INO80D: variants seen among roughly 807,000 people sequenced by gnomAD.
INO80D encodes INO80 complex subunit D.
Under a neutral mutation model 87.6 loss-of-function variants are expected in INO80D, and 21 were observed. The observed-to-expected ratio is 0.24, with a 90% CI of 0.17 to 0.35. The LOEUF (loss-of-function observed/expected upper bound fraction) is 0.35. Among genes scored for constraint, INO80D ranks in the 10% least tolerant of loss-of-function variants. The pLI is 1.00. For synonymous variants in INO80D, 440 were observed against 491.0 expected (o/e 0.90, Z 1.37); for missense variants, 982 against 1,280.7 (o/e 0.77, Z 3.56).
intron 1 of INO80D, among the ~76,000 whole-genome samples, chr2:206,081,756 C>CAA (rs756168296): frequency 3.2e-4 from 24 of 75,260 alleles, no homozygotes; most frequent in Admixed American, 8.6e-4. Flanking sequence ...GACCCTGTCT[C>CAA]AAAAAAAAAA....
chr2:206,051,770 A>T (rs928786318), intron 4 of INO80D, among the ~76,000 whole-genome samples: 1 of 152,108 alleles, frequency 6.6e-6, no homozygotes, highest in Non-Finnish European at 1.5e-5. Context: ...CAAAGTGGTA[A>T]GATTACTGGC....
At chr2:206,040,267 C>CA (rs1559447676) in intron 5 of INO80D, among the ~76,000 whole-genome samples, 1 of 125,216 alleles carries the variant, frequency 8.0e-6, no homozygotes, top group East Asian at 2.3e-4. Flanking sequence ...GCCTGGGTGA[C>CA]AGAGTGCGAC....
rs952875248 is a variant in INO80D at position 206,004,227 on chromosome 2, A to G, written c.*141T>C. 5.4e-6 allele frequency: 4 copies of G among 746,414 alleles called. No individual in the cohort carries two copies. The highest frequency in any genetic ancestry group is 8.7e-6 in the Non-Finnish European group (4 of 459,064). The allele number at this position is 746,414 out of a possible 1,614,324, so 46.2% of individuals were successfully genotyped here. A position where few individuals can be genotyped will look rare whatever the true frequency, so the allele number is the denominator to read the frequency against. ...CTGTAGCGAGGTCCACTGCAGGGCC[A>G]CTCATTGAACTGGGAAGGGGGGTGC... On this transcript the variant is annotated 3_prime_UTR_variant, in exon 11 of 11. Transcript: ENST00000403263. The surrounding 1 kb of genome is among the most constrained non-coding windows in gnomAD (Gnocchi z 4.9).
At chr2:206,076,761 G>A (rs1690127201) in intron 1 of INO80D, among the ~76,000 whole-genome samples, 1 of 152,174 alleles carries the variant, frequency 6.6e-6, no homozygotes. Flanking sequence ...TTATGCAGCA[G>A]AAAGATCACT....
At chr2:206,024,804 G>A (rs950470380) in intron 6 of INO80D, among the ~76,000 whole-genome samples, 5 of 151,870 alleles carry the variant, frequency 3.3e-5, no homozygotes, top group African/African-American at 9.7e-5. Context: ...CGCCTAGCCT[G>A]GAATGCAGTG....
chr2:206,035,735 A>G (rs901357935), intron 5 of INO80D, among the ~76,000 whole-genome samples: 1 of 152,234 alleles, frequency 6.6e-6, no homozygotes, highest in Non-Finnish European at 1.5e-5. Context: ...CTGGGACGTA[A>G]TTAAACTAAA....
intron 10 of INO80D, among the ~76,000 whole-genome samples, chr2:206,006,835 C>T (rs1255288184): frequency 1.3e-5 from 2 of 151,848 alleles, no homozygotes; most frequent in Non-Finnish European, 2.9e-5. Flanking sequence ...TCACTTGGGG[C>T]CAGGAGTTCA....
At chr2:206,041,042 A>G (rs1689034482) in intron 5 of INO80D, among the ~76,000 whole-genome samples, 1 of 152,178 alleles carries the variant, frequency 6.6e-6, no homozygotes, top group Non-Finnish European at 1.5e-5. Flanking sequence ...AGACTGTGGT[A>G]ATTAAAGATG....
chr2:206,056,144 C>T lies in INO80D; in HGVS notation c.964+54G>A, dbSNP rs546092910. On this transcript the variant is annotated intron_variant, in intron 4 of 10. Transcript: ENST00000403263. ...TTATGAAAGGGAAGCTCCACACAAC[C>T]GAACACATTTTGTCATATTATGTGT... 3.1e-5 allele frequency: 46 copies of T among 1,496,622 alleles called. No homozygotes were observed. In the South Asian group the frequency reaches 3.4e-4, roughly 11 times the overall value. 92.7% of individuals were successfully genotyped at this position (1,496,622 alleles called of 1,614,324 possible). A position where few individuals can be genotyped will look rare whatever the true frequency, so the allele number is the denominator to read the frequency against.
rs375840835 is a variant in INO80D, at chr2:206,035,116, T to A, written c.1074-6781A>T. ...GATGACACGAACAAATGGAAACACA[T>A]CCCATGCTCATGGACAGGTAGAATC... On this transcript the variant is annotated intron_variant, in intron 5 of 10. Coordinates refer to ENST00000403263, the MANE Select transcript of INO80D (RefSeq NM_017759.5). Among the ~76,000 whole-genome samples, 80 of 152,142 alleles carry A rather than the reference T, an allele frequency of 5.3e-4. 1 individual carries two copies. The South Asian group carries it at 0.016, about 30-fold the overall frequency.
chr2:206,010,083 A>ACACACACACACG (rs142314785), intron 8 of INO80D, among the ~76,000 whole-genome samples: 5,834 of 151,142 alleles, frequency 0.039, 149 homozygotes, highest in Middle Eastern at 0.097. Flanking sequence ...ACACACACAC[A>ACACACACACACG]CACGCACACA....
chr2:206,084,035 A>G (rs1263626407), intron 1 of INO80D, among the ~76,000 whole-genome samples: 1 of 151,862 alleles, frequency 6.6e-6, no homozygotes, highest in Admixed American at 6.6e-5. Flanking sequence ...CCTGTCCCTG[A>G]AAAGCAGAAA....
rs1305045624 is a variant in INO80D at position 205,995,029 on chromosome 2, T to C, written c.*9339A>G. ...ATAACAATTAGGTGATATATTTCCC[T>C]GCAGCATGGGAGTAGTTAACTTCCC... On this transcript the variant is annotated 3_prime_UTR_variant, in exon 11 of 11. Coordinates refer to ENST00000403263, the MANE Select transcript of INO80D (RefSeq NM_017759.5). 1 of 152,196 alleles carries C rather than the reference T, an allele frequency of 6.6e-6. No homozygotes were observed. Among genetic ancestry groups the C allele is most frequent in the Non-Finnish European group, 1.5e-5 (1 of 68,022 alleles). The allele number at this position is 152,196 out of a possible 1,614,324, so 9.4% of individuals were successfully genotyped here.
intron 6 of INO80D, among the ~76,000 whole-genome samples, chr2:206,026,834 C>T (rs1020257948): frequency 5.3e-5 from 8 of 151,932 alleles, no homozygotes; most frequent in African/African-American, 1.9e-4. Context: ...GATAACTCTA[C>T]ATTTCTGATA....
At chr2:206,027,149 C>T (rs551422545) in intron 6 of INO80D, among the ~76,000 whole-genome samples, 142 of 98,350 alleles carry the variant, frequency 1.4e-3, no homozygotes, top group Middle Eastern at 9.8e-3. Flanking sequence ...CACGCACGCG[C>T]GCACGCGCAC....
intron 8 of INO80D, among the ~76,000 whole-genome samples, chr2:206,010,342 T>C (rs539476210): frequency 4.6e-5 from 7 of 152,118 alleles, no homozygotes; most frequent in Admixed American, 6.6e-5. Context: ...GTTGTTCTAT[T>C]GCTGAAGTAC....
At chr2:206,082,295 C>T (rs1405545586) in intron 1 of INO80D, among the ~76,000 whole-genome samples, 1 of 152,244 alleles carries the variant, frequency 6.6e-6, no homozygotes, top group Non-Finnish European at 1.5e-5. Flanking sequence ...GCTGGGATTA[C>T]AGGCGTGAGC....
chr2:206,005,505 GGTA>G lies in INO80D; in HGVS notation c.1944_1946del (p.Thr649del). 2 of 1,612,850 alleles carry G rather than the reference GGTA, an allele frequency of 1.2e-6. No individual in the cohort carries two copies. Among genetic ancestry groups the G allele is most frequent in the Non-Finnish European group, 1.7e-6 (2 of 1,179,778 alleles). ...CCCGTTCAAGCTCCTCAGCCTCTTC[GGTA>G]GTTGGGAGGAGGTCTCCATTCTTCC... is the stretch of plus-strand genomic sequence containing the variant. On this transcript the variant is annotated inframe_deletion, in exon 11 of 11. Transcript: ENST00000403263.
chr2:206,056,999 A>G, intron 3 of INO80D, 56 bp from the exon 4 acceptor site: 14 of 1,469,066 alleles, frequency 9.5e-6, no homozygotes, highest in Non-Finnish European at 1.3e-5. Flanking sequence ...TTTTAAAAGT[A>G]GAACATAAAA....
Sources: gnomAD v4.1 joint callset for allele counts (sites outside exome capture counted in the v4.1 genomes callset) on GRCh38, gnomAD v4.1.1 for gene constraint, Gnocchi (gnomAD v3.1) non-coding constraint, MANE v1.5 for transcripts, NCBI Gene and HGNC (gene_info 2026-07-23, HGNC 2026-07-21) for gene names.